Variants in CDH17 observed in about 807,000 individuals in gnomAD.
CDH17 encodes cadherin 17.
Under a neutral mutation model 86.3 loss-of-function variants are expected in CDH17, and 67 were observed. The observed-to-expected ratio is 0.78, with a 90% confidence interval of 0.64 to 0.95. The LOEUF (loss-of-function observed/expected upper bound fraction) is 0.95. CDH17 is among the 40% of genes least tolerant of loss of function. CDH17 has a pLI of 0.00. For synonymous variants in CDH17, 367 were observed against 366.4 expected, an observed-to-expected ratio of 1.00 and a Z score of -0.02; for missense variants, 993 against 1,017.6, an observed-to-expected ratio of 0.98 and a Z score of 0.33.
intron 1 of CDH17, among the ~76,000 whole-genome samples, 199 bp from the exon 2 acceptor site, chr8:94,194,904 A>G (rs1813753327): frequency 6.6e-6 from 1 of 152,206 alleles, no homozygotes; most frequent in African/African-American, 2.4e-5. Flanking sequence ...ATGCAAGCCA[A>G]CATCTCAAAA....
chr8:94,203,221 G>C (rs1813956519), intron 1 of CDH17, among the ~76,000 whole-genome samples: 1 of 152,176 alleles, frequency 6.6e-6, no homozygotes, highest in Non-Finnish European at 1.5e-5. Flanking sequence ...CTTAGAGTCA[G>C]TCATCTCTTA....
At chr8:94,159,945 T>C (rs1813018245) in intron 12 of CDH17, 26 bp downstream of exon 12, 2 of 1,558,252 alleles carry the variant, frequency 1.3e-6, no homozygotes, top group South Asian at 1.2e-5. Context: ...CAAAGACAAA[T>C]TCTATTAAAT....
chr8:94,199,212 C>G (rs367782633), intron 1 of CDH17, among the ~76,000 whole-genome samples: 6 of 151,594 alleles, frequency 4.0e-5, no homozygotes, highest in African/African-American at 1.5e-4. Context: ...AAGCCATCAT[C>G]AGATGTTGGG....
At chr8:94,169,756 A>G (rs529193533) in intron 9 of CDH17, among the ~76,000 whole-genome samples, 57 of 152,330 alleles carry the variant, frequency 3.7e-4, no homozygotes, top group Non-Finnish European at 3.1e-4. Context: ...CCCAGAAATT[A>G]TAATGTTCTT....
intron 3 of CDH17, among the ~76,000 whole-genome samples, chr8:94,184,058 A>G (rs1411773207): frequency 1.3e-5 from 2 of 152,062 alleles, no homozygotes; most frequent in Non-Finnish European, 2.9e-5. Flanking sequence ...AAAAAAAGAC[A>G]GATAATAACA....
intron 1 of CDH17, chr8:94,217,138 T>C (rs925732958): frequency 6.6e-6 from 1 of 152,212 alleles, no homozygotes; most frequent in Non-Finnish European, 1.5e-5. Context: ...CCTGAGCTGC[T>C]ACCCTCGGCA....
Position 94,202,966 on chromosome 8 carries a change from C to G in CDH17, c.-21+5517G>C, listed in dbSNP as rs1213787060. On this transcript the variant is annotated intron_variant, in intron 1 of 17. Coordinates refer to ENST00000027335, the MANE Select transcript of CDH17 (RefSeq NM_004063.4). ...CTTGGGCTTTTTAGCTCTGAGGTTC[C>G]CCTTTTCACCTTGCCACTGGCAAAG... 7 of 316,354 alleles carry G rather than the reference C, an allele frequency of 2.2e-5. No individual in the cohort carries two copies. The East Asian group carries it at 7.8e-4, about 35-fold the overall frequency. 19.6% of individuals were successfully genotyped at this position (316,354 alleles called of 1,614,324 possible). A position where few individuals can be genotyped will look rare whatever the true frequency, so the allele number is the denominator to read the frequency against.
intron 1 of CDH17, among the ~76,000 whole-genome samples, chr8:94,199,796 C>T (rs1222821742): frequency 6.6e-6 from 1 of 152,084 alleles, no homozygotes; most frequent in African/African-American, 2.4e-5. Context: ...GACTGGCTGG[C>T]TTGGGTCTTA....
At chr8:94,148,253 A>T (rs1265598982) in intron 14 of CDH17, among the ~76,000 whole-genome samples, 1 of 152,124 alleles carries the variant, frequency 6.6e-6, no homozygotes, top group Non-Finnish European at 1.5e-5. Context: ...TAACAAAACC[A>T]CAAAGGGGCT....
Position 94,174,010 on chromosome 8 carries a change from G to A in CDH17, c.584-14C>T, listed in dbSNP as rs746721797. On this transcript the variant is annotated splice_polypyrimidine_tract_variant and intron_variant, in intron 6 of 17. Coordinates refer to ENST00000027335, the MANE Select transcript of CDH17 (RefSeq NM_004063.4). ...ATTCCTGAGATCCTGTGAGAAGTAG[G>A]GGAGAAGGGAATAGGAAGTGTCTCT... 3.1e-6 allele frequency: 5 copies of A among 1,612,096 alleles called. No homozygotes were observed. Among genetic ancestry groups the A allele is most frequent in the Non-Finnish European group, 4.2e-6 (5 of 1,178,304 alleles).
At chr8:94,191,214 A>T (rs879486598) in intron 2 of CDH17, among the ~76,000 whole-genome samples, 3 of 152,160 alleles carry the variant, frequency 2.0e-5, no homozygotes, top group Non-Finnish European at 2.9e-5. Flanking sequence ...TGCTGAGACA[A>T]TGTACCTTGT....
chr8:94,174,821 T>C (rs150534262), intron 5 of CDH17, among the ~76,000 whole-genome samples: 4 of 152,338 alleles, frequency 2.6e-5, no homozygotes, highest in Admixed American at 2.6e-4. Context: ...ATCCAGACAT[T>C]AAAGAGATTT....
intron 1 of CDH17, among the ~76,000 whole-genome samples, chr8:94,206,982 G>A (rs562140411): frequency 5.9e-5 from 9 of 152,116 alleles, no homozygotes; most frequent in Non-Finnish European, 5.9e-5. Flanking sequence ...AGGAGGTACC[G>A]GAAATGTAAC....
chr8:94,179,496 C>T (rs1352489550), intron 3 of CDH17, among the ~76,000 whole-genome samples: 5 of 152,192 alleles, frequency 3.3e-5, no homozygotes. Flanking sequence ...TACAAGGCCA[C>T]TATCATGAGC....
chr8:94,156,190 A>T (rs1474861171), intron 12 of CDH17, among the ~76,000 whole-genome samples: 1 of 152,232 alleles, frequency 6.6e-6, no homozygotes, highest in African/African-American at 2.4e-5. Context: ...CTAGAGATTT[A>T]GATTCAACCT....
chr8:94,173,736 C>A (rs1477057488), intron 7 of CDH17, 61 bp downstream of exon 7: 1 of 1,261,600 alleles, frequency 7.9e-7, no homozygotes, highest in Non-Finnish European at 1.2e-6. Flanking sequence ...GAGGGTGGGT[C>A]TCTACAAAGT....
intron 1 of CDH17, among the ~76,000 whole-genome samples, chr8:94,216,626 A>T (rs1814198609): frequency 6.6e-6 from 1 of 151,818 alleles, no homozygotes. Context: ...TGAGAAACAA[A>T]GGGAATTGCC....
intron 1 of CDH17, among the ~76,000 whole-genome samples, chr8:94,201,475 C>T (rs540814354): frequency 2.5e-4 from 38 of 152,256 alleles, no homozygotes; most frequent in African/African-American, 8.7e-4. Flanking sequence ...TGGAGACAGG[C>T]TCATCCACAA....
intron 1 of CDH17, among the ~76,000 whole-genome samples, chr8:94,216,773 C>T (rs925585212): frequency 6.6e-6 from 1 of 152,192 alleles, no homozygotes; most frequent in African/African-American, 2.4e-5. Context: ...AACTCCACTC[C>T]TCTTCTTTAT....
Sources: gnomAD v4.1 joint callset for allele counts (sites outside exome capture counted in the v4.1 genomes callset) on GRCh38, gnomAD v4.1.1 for gene constraint, MANE v1.5 for transcripts, NCBI Gene and HGNC (gene_info 2026-07-23, HGNC 2026-07-21) for gene names.